Variants in NUP214 observed in about 807,000 individuals in gnomAD.
NUP214 encodes the protein nuclear pore complex protein Nup214.
A neutral mutation model predicts 196.2 loss-of-function variants in NUP214; 79 were observed. The observed-to-expected ratio is 0.40, with a 90% confidence interval of 0.34 to 0.49. The LOEUF (loss-of-function observed/expected upper bound fraction) is 0.49. Ranked by LOEUF, NUP214 falls within the 20% of genes least tolerant of loss-of-function variation. The pLI is 0.58. For synonymous variants in NUP214, 1,020 were observed against 990.5 expected, an observed-to-expected ratio of 1.03 and a Z score of -0.56; for missense variants, 2,468 against 2,539.0, an observed-to-expected ratio of 0.97 and a Z score of 0.60.
At chr9:131,131,848 A>C (rs1831553601) in intron 5 of NUP214, among the ~76,000 whole-genome samples, 1 of 151,260 alleles carries the variant, frequency 6.6e-6, no homozygotes, top group African/African-American at 2.4e-5. Context: ...GCCACCATGC[A>C]CAGCTAATTT....
rs773449496 is a variant in NUP214, at chr9:131,198,235, G to A, written c.4741G>A (p.Ala1581Thr). 5 of 1,614,260 alleles carry A rather than the reference G, an allele frequency of 3.1e-6. No homozygotes were observed. The highest frequency in any genetic ancestry group is 4.2e-6 in the Non-Finnish European group (5 of 1,180,048). Residue 1581 changes from alanine to threonine, a missense_variant, in exon 29 of 36, where the codon GCA becomes ACA. Coordinates refer to ENST00000359428, the MANE Select transcript of NUP214 (RefSeq NM_005085.4). ...TTGVPDARTE[A>T]VPPASSFSVP... ...GGGGGTCCCTGATGCCAGGACGGAG[G>A]CAGTACCACCTGCTTCCTCCTTTTC...
chr9:131,135,919 T>G (rs77421378), intron 8 of NUP214, 21 bp from the exon 9 acceptor site: 1 of 1,607,854 alleles, frequency 6.2e-7, no homozygotes, highest in Admixed American at 1.7e-5. Context: ...AACGTAATGG[T>G]CTCTGGTTTT....
intron 30 of NUP214, among the ~76,000 whole-genome samples, chr9:131,202,402 C>T (rs898085252): frequency 1.3e-5 from 2 of 151,560 alleles, no homozygotes; most frequent in Admixed American, 6.6e-5. Context: ...CACACACACA[C>T]ATATATATAT....
Position 131,228,290 on chromosome 9 carries a change from G to A in NUP214, c.6033G>A (p.Val2011=). 6.2e-7 allele frequency: 1 copy of A among 1,604,066 alleles called. No individual in the cohort carries two copies. The highest frequency in any genetic ancestry group is 8.5e-7 in the Non-Finnish European group (1 of 1,176,532). The change falls in exon 33 of 36, where the codon GTG becomes GTA. Residue 2011 remains valine (V), a synonymous_variant. Coordinates refer to ENST00000359428, the MANE Select transcript of NUP214 (RefSeq NM_005085.4). ...TSPLGSTGGK[V]FGEGTAAASA... ...CTCTGGGCTCGACGGGAGGCAAAGT[G>A]TTCGGAGAGGGCACTGCAGCTGCCA...
rs181020219 is a variant in NUP214 at position 131,131,642 on chromosome 9, T to A, written c.663+806T>A. On this transcript the variant is annotated intron_variant, in intron 5 of 35. Coordinates refer to ENST00000359428, the MANE Select transcript of NUP214 (RefSeq NM_005085.4). ...CCTGTAAAAAGATAATGCAATTTTTTAAATTTTCTTGCTTTGCTGTTTGCC... is the reference window on the plus strand; with the variant it reads ...CCTGTAAAAAGATAATGCAATTTTTAAAATTTTCTTGCTTTGCTGTTTGCC... Among the ~76,000 whole-genome samples the A allele has an allele frequency of 2.9e-3, 445 of 152,344 alleles. 3 individuals are homozygous for A. The highest frequency in any genetic ancestry group is 8.8e-3 in the African/African-American group (364 of 41,584).
In NUP214 at chr9:131,144,514, A is replaced by G; in HGVS notation, c.1529A>G (p.Lys510Arg). ...PSYSSGSDSSKAAPGPGPSTF... is the reference protein window; with the variant it reads ...PSYSSGSDSSRAAPGPGPSTF... Reference sequence around the variant, plus strand: ...TATTCCAGTGGCTCCGACAGCTCCAAAGCAGCCCCAGGCCCTGGCCCATCA... The same window carrying G: ...TATTCCAGTGGCTCCGACAGCTCCAGAGCAGCCCCAGGCCCTGGCCCATCA... Residue 510 changes from lysine to arginine, a missense_variant, in exon 12 of 36, where the codon AAA becomes AGA. By Grantham distance (26) the Lys-to-Arg change is conservative. Transcript: ENST00000359428. 1 of 1,614,030 alleles carries G rather than the reference A, an allele frequency of 6.2e-7. No homozygotes were observed. Among genetic ancestry groups the G allele is most frequent in the Non-Finnish European group, 8.5e-7 (1 of 1,179,988 alleles).
At chr9:131,220,402 A>G (rs1834526461) in intron 31 of NUP214, among the ~76,000 whole-genome samples, 1 of 152,366 alleles carries the variant, frequency 6.6e-6, no homozygotes, top group African/African-American at 2.4e-5. Flanking sequence ...GTTTAAATCA[A>G]TGGTAAAATG....
intron 33 of NUP214, chr9:131,229,595 C>T (rs1487102649): frequency 4.9e-6 from 2 of 412,364 alleles, no homozygotes; most frequent in African/African-American, 4.2e-5. Context: ...GCTGGTTAGT[C>T]AGTCCTAAAA....
rs756830528 is a variant in NUP214, at chr9:131,197,506, C to T, written c.4012C>T (p.Arg1338Trp). The change falls in exon 29 of 36, where the codon CGG becomes TGG. Residue 1338 changes from arginine to tryptophan, a missense_variant. Transcript: ENST00000359428. ...GETLGSFSGL[R>W]VGQADDSTKP... Reference sequence around the variant, plus strand: ...GACTCTGGGAAGTTTTTCAGGACTGCGGGTTGGCCAAGCAGATGATTCTAC... The same window carrying T: ...GACTCTGGGAAGTTTTTCAGGACTGTGGGTTGGCCAAGCAGATGATTCTAC... 26 of 1,614,058 alleles carry T rather than the reference C, an allele frequency of 1.6e-5. No individual in the cohort carries two copies. Among genetic ancestry groups the T allele is most frequent in the Non-Finnish European group, 2.0e-5 (24 of 1,180,036 alleles).
At chr9:131,154,049 A>G (rs1193340753) in intron 17 of NUP214, among the ~76,000 whole-genome samples, 3 of 152,238 alleles carry the variant, frequency 2.0e-5, no homozygotes, top group African/African-American at 4.8e-5. Flanking sequence ...AGCAGCAGCT[A>G]ACGCAGAGGT....
chr9:131,168,407 C>G (rs888909348), intron 21 of NUP214, among the ~76,000 whole-genome samples: 3 of 152,188 alleles, frequency 2.0e-5, no homozygotes, highest in Non-Finnish European at 4.4e-5. Flanking sequence ...CTGCTGGTAG[C>G]TGGGTGCTTT....
At chr9:131,227,934 T>C (rs897507672) in intron 32 of NUP214, among the ~76,000 whole-genome samples, 12 of 142,032 alleles carry the variant, frequency 8.4e-5, no homozygotes, top group Non-Finnish European at 1.8e-4. Context: ...AGTGGTTTGG[T>C]TTGAGGGCTT....
chr9:131,228,025 C>T (rs1301607853), intron 32 of NUP214, 135 bp from the exon 33 acceptor site: 12 of 804,844 alleles, frequency 1.5e-5, no homozygotes, highest in Admixed American at 7.8e-5. Context: ...CTAGTTCTTG[C>T]ATTTGAATTG....
At position 131,125,643 on chromosome 9, in the gene NUP214, G is replaced by T. The variant is rs1478719236; in HGVS notation, c.-62G>T. On this transcript the variant is annotated 5_prime_UTR_variant, in exon 1 of 36. Coordinates refer to ENST00000359428, the MANE Select transcript of NUP214 (RefSeq NM_005085.4). This position sits in a 1 kb window ranked among gnomAD's most constrained non-coding sequence, Gnocchi z 4.1. Reference sequence around the variant, plus strand: ...AGGAAGTTTGCTGTCGAGCGGCCTGGGTTCCGTGGGCAAGGCCGTGGGAGG... The same window carrying T: ...AGGAAGTTTGCTGTCGAGCGGCCTGTGTTCCGTGGGCAAGGCCGTGGGAGG... 1 of 1,543,588 alleles carries T rather than the reference G, an allele frequency of 6.5e-7. No individual in the cohort carries two copies. The highest frequency in any genetic ancestry group is 1.7e-4 in the Middle Eastern group (1 of 5,962).
At position 131,228,331 on chromosome 9, in the gene NUP214, G is replaced by A. The variant is rs777141879; in HGVS notation, c.6074G>A (p.Gly2025Glu). ...GCAGCTGCCAGCGCAGGAGGATTCGGGTAAGCCCCCTGGGGAGGGCCCTTG... is the reference window on the plus strand; with the variant it reads ...GCAGCTGCCAGCGCAGGAGGATTCGAGTAAGCCCCCTGGGGAGGGCCCTTG... ...GTAAASAGGF[G>E]FGSSSNTTSF... is the part of the protein sequence containing the mutation. The change falls in exon 33 of 36, where the codon GGG (glycine) becomes GAG (glutamate). Residue 2025 changes from glycine to glutamate, a missense_variant and splice_region_variant. Gly to Glu is a moderately conservative substitution (Grantham distance 98). Transcript: ENST00000359428. 1.9e-6 allele frequency: 3 copies of A among 1,580,092 alleles called. No individual in the cohort carries two copies. The highest frequency in any genetic ancestry group is 2.6e-6 in the Non-Finnish European group (3 of 1,167,426).
At chr9:131,167,344 A>C (rs536777852) in intron 21 of NUP214, 3 of 152,340 alleles carry the variant, frequency 2.0e-5, no homozygotes, top group Admixed American at 2.0e-4. Flanking sequence ...TGCTCTGTAT[A>C]GGATTCTATT....
chr9:131,216,213 CTTTTTTTTTTT>C (rs113694633), intron 31 of NUP214, among the ~76,000 whole-genome samples: 1 of 122,714 alleles, frequency 8.1e-6, no homozygotes, highest in African/African-American at 3.0e-5. Flanking sequence ...TTTAAAAATT[CTTTTTTTTTTT>C]TTTTTCTTTT....
chr9:131,202,242 C>T (rs1170981034), intron 30 of NUP214, among the ~76,000 whole-genome samples: 1 of 152,104 alleles, frequency 6.6e-6, no homozygotes, highest in Non-Finnish European at 1.5e-5. Context: ...CTATCAGTCC[C>T]CTGCCTGTTA....
intron 31 of NUP214, among the ~76,000 whole-genome samples, chr9:131,216,642 T>C (rs1451363679): frequency 6.6e-6 from 1 of 151,012 alleles, no homozygotes; most frequent in African/African-American, 2.4e-5. Context: ...TTCTCCCAGC[T>C]CAGCTTCCCG....
Sources: gnomAD v4.1 joint callset for allele counts (sites outside exome capture counted in the v4.1 genomes callset) on GRCh38, gnomAD v4.1.1 for gene constraint, Gnocchi (gnomAD v3.1) non-coding constraint, MANE v1.5 for transcripts, NCBI Gene and HGNC (gene_info 2026-07-23, HGNC 2026-07-21) for gene names.